Variants in FHIP1A observed in about 807,000 individuals in gnomAD.
FHIP1A encodes the protein FHF complex subunit HOOK interacting protein 1A, also known as FHF complex subunit HOOK-interacting protein 1A.
In FHIP1A, 61 loss-of-function variants were observed where a neutral mutation model predicts 88.6. That is an observed-to-expected ratio of 0.69 (90% CI 0.56 to 0.85). The LOEUF is 0.85. FHIP1A is among the 40% of genes least tolerant of loss of function. The pLI is 0.00. For missense variants in FHIP1A, 1,154 were observed against 1,273.5 expected, an observed-to-expected ratio of 0.91 and a Z score of 1.43; for synonymous variants, 478 against 496.0, an observed-to-expected ratio of 0.96 and a Z score of 0.48.
chr4:151,535,425 A>G (rs560714266), intron 3 of FHIP1A, among the ~76,000 whole-genome samples: 6 of 152,250 alleles, frequency 3.9e-5, no homozygotes, highest in Non-Finnish European at 1.5e-5. Flanking sequence ...GGAATTTAGA[A>G]TATACAGATA....
At chr4:151,414,846 A>T (rs1191129534) in intron 1 of FHIP1A, among the ~76,000 whole-genome samples, 1 of 152,216 alleles carries the variant, frequency 6.6e-6, no homozygotes, top group Admixed American at 6.5e-5. Flanking sequence ...AATGAGAGTT[A>T]ATTTTCTTAT....
intron 3 of FHIP1A, among the ~76,000 whole-genome samples, chr4:151,539,224 G>A (rs1732178590): frequency 6.6e-6 from 1 of 152,166 alleles, no homozygotes; most frequent in South Asian, 2.1e-4. Context: ...GAATAACCAT[G>A]ATTAAAGTTA....
At chr4:151,543,713 C>T (rs571434207) in intron 3 of FHIP1A, among the ~76,000 whole-genome samples, 2 of 152,086 alleles carry the variant, frequency 1.3e-5, no homozygotes, top group South Asian at 4.2e-4. Flanking sequence ...GAGCATTTGC[C>T]TGTCATTAAA....
At chr4:151,474,082 A>G (rs957713320) in intron 2 of FHIP1A, among the ~76,000 whole-genome samples, 1 of 152,236 alleles carries the variant, frequency 6.6e-6, no homozygotes, top group African/African-American at 2.4e-5. Context: ...TTACCTTTGA[A>G]TAGAAGCCAA....
At chr4:151,592,438 C>A (rs1384180886) in intron 7 of FHIP1A, among the ~76,000 whole-genome samples, 2 of 152,130 alleles carry the variant, frequency 1.3e-5, no homozygotes, top group African/African-American at 4.8e-5. Context: ...CCGGCTGTTC[C>A]CTGACTTTTT....
rs762717613 is a variant in FHIP1A, at chr4:151,650,445, A to G, written c.2404A>G (p.Lys802Glu). The G allele has an allele frequency of 3.2e-6, 5 of 1,551,680 alleles. No homozygotes were observed. In the South Asian group the frequency reaches 4.8e-5, roughly 15 times the overall value. ...SKGEKEKEGK[K>E]ELEDEEDDFD... The stretch of plus-strand genomic sequence containing the variant: ...AGGAGAAAAGGAGAAGGAGGGGAAG[A>G]AGGAGCTAGAAGATGAGGAGGATGA... Residue 802 changes from lysine to glutamate, a missense_variant, in exon 11 of 14, where the codon AAG (lysine) becomes GAG (glutamate). Coordinates refer to ENST00000435205, the MANE Select transcript of FHIP1A (RefSeq NM_001109977.3).
Position 151,496,135 on chromosome 4 carries a change from A to T in FHIP1A, c.-123+13487A>T, listed in dbSNP as rs73861843. ...ATAGGATTTGGGATTTACATATTGGACATGTTTTCCTGCATTTGTTTAGAG... is the reference window on the plus strand; with the variant it reads ...ATAGGATTTGGGATTTACATATTGGTCATGTTTTCCTGCATTTGTTTAGAG... On this transcript the variant is annotated intron_variant, in intron 3 of 13. Transcript: ENST00000435205. Among the ~76,000 whole-genome samples, 1,193 of 151,980 alleles carry T rather than the reference A, an allele frequency of 7.8e-3. 10 individuals are homozygous for T. Among genetic ancestry groups the T allele is most frequent in the African/African-American group, 0.028 (1,146 of 41,482 alleles).
At chr4:151,466,484 A>G (rs1729317791) in intron 2 of FHIP1A, among the ~76,000 whole-genome samples, 1 of 152,226 alleles carries the variant, frequency 6.6e-6, no homozygotes, top group Non-Finnish European at 1.5e-5. Flanking sequence ...AAACTACTTT[A>G]AATTTCATAT....
chr4:151,650,445 A>C lies in FHIP1A; in HGVS notation c.2404A>C (p.Lys802Gln), dbSNP rs762717613. 1 of 1,551,562 alleles carries C rather than the reference A, an allele frequency of 6.4e-7. No individual in the cohort carries two copies. Among genetic ancestry groups the C allele is most frequent in the African/African-American group, 1.4e-5 (1 of 73,050 alleles). The change falls in exon 11 of 14, where the codon AAG (lysine) becomes CAG (glutamine). Residue 802 changes from lysine (K) to glutamine (Q), a missense_variant. Lys to Gln is a moderately conservative substitution (Grantham distance 53). Transcript: ENST00000435205. ...AGGAGAAAAGGAGAAGGAGGGGAAG[A>C]AGGAGCTAGAAGATGAGGAGGATGA... ...SKGEKEKEGK[K>Q]ELEDEEDDFD...
intron 3 of FHIP1A, among the ~76,000 whole-genome samples, chr4:151,535,789 ATTCCAGGTTCACTG>A (rs1732047509): frequency 6.6e-6 from 1 of 152,226 alleles, no homozygotes; most frequent in South Asian, 2.1e-4. Context: ...CTTGACTATC[ATTCCAGGTTCACTG>A]TTTAATTCCA....
intron 8 of FHIP1A, among the ~76,000 whole-genome samples, chr4:151,636,198 A>C (rs7678080): frequency 6.6e-6 from 1 of 151,776 alleles, no homozygotes; most frequent in Non-Finnish European, 1.5e-5. Flanking sequence ...GTAATACATC[A>C]TATCAAGATA....
At chr4:151,459,813 C>A (rs1000196975) in intron 2 of FHIP1A, among the ~76,000 whole-genome samples, 2 of 152,128 alleles carry the variant, frequency 1.3e-5, no homozygotes, top group African/African-American at 2.4e-5. Context: ...AGTGTTAATA[C>A]CCTTGTTGTA....
chr4:151,618,218 G>T (rs573855416), intron 7 of FHIP1A, among the ~76,000 whole-genome samples: 16 of 152,360 alleles, frequency 1.1e-4, no homozygotes, highest in Admixed American at 8.5e-4. Context: ...TTAGAATAGA[G>T]TGATGTGTTG....
At chr4:151,593,044 G>A (rs1216141746) in intron 7 of FHIP1A, among the ~76,000 whole-genome samples, 1 of 152,116 alleles carries the variant, frequency 6.6e-6, no homozygotes, top group Non-Finnish European at 1.5e-5. Flanking sequence ...GCTTGTTTTA[G>A]TTAGGTTTGT....
chr4:151,581,795 A>C (rs923887343), intron 5 of FHIP1A, among the ~76,000 whole-genome samples: 2 of 150,308 alleles, frequency 1.3e-5, no homozygotes, highest in Admixed American at 1.3e-4. Flanking sequence ...TATGATTGTC[A>C]AAGTGTGTTA....
At chr4:151,421,416 T>C (rs1464174703) in intron 1 of FHIP1A, among the ~76,000 whole-genome samples, 1 of 152,220 alleles carries the variant, frequency 6.6e-6, no homozygotes, top group South Asian at 2.1e-4. Flanking sequence ...CCCCTTACTC[T>C]GCTCTCCTGC....
In FHIP1A at chr4:151,529,849, A is replaced by G. The variant is rs114345875; in HGVS notation, c.-122-36289A>G. 9.2e-3 allele frequency among the ~76,000 whole-genome samples: 1,396 copies of G among 152,276 alleles called. 18 individuals are homozygous for G. The highest frequency in any genetic ancestry group is 0.031 in the African/African-American group (1,303 of 41,542). ...TAGCAAAACTGTGATTTGAAGCCAG[A>G]TTTATTTGACTCCAGTAGGCCATGG... On this transcript the variant is annotated intron_variant, in intron 3 of 13. Transcript: ENST00000435205.
chr4:151,517,684 G>C (rs921420180), intron 3 of FHIP1A, among the ~76,000 whole-genome samples: 1 of 152,000 alleles, frequency 6.6e-6, no homozygotes, highest in Non-Finnish European at 1.5e-5. Context: ...AGATTATAAT[G>C]GACCTGAAAA....
chr4:151,497,604 A>G (rs984736535), intron 3 of FHIP1A, among the ~76,000 whole-genome samples: 3 of 152,180 alleles, frequency 2.0e-5, no homozygotes, highest in African/African-American at 7.2e-5. Context: ...GCAATGTGTT[A>G]TTTTTGATTG....
Sources: allele counts gnomAD v4.1 joint callset (sites outside exome capture counted in the v4.1 genomes callset), GRCh38; gene constraint gnomAD v4.1.1; transcripts MANE v1.5; gene names NCBI Gene and HGNC (gene_info 2026-07-23, HGNC 2026-07-21).